Variants in PIEZO2 observed in about 807,000 individuals in gnomAD.
PIEZO2 encodes piezo type mechanosensitive ion channel component 2, also known as piezo-type mechanosensitive ion channel component 2.
In PIEZO2, 172 loss-of-function variants were observed where a neutral mutation model predicts 337.3. That is an observed-to-expected ratio of 0.51 (90% CI 0.45 to 0.58). The LOEUF is 0.58. Ranked by LOEUF, PIEZO2 falls within the 20% of genes least tolerant of loss-of-function variation. The pLI is 0.00. For missense variants in PIEZO2, 3,028 were observed against 3,391.3 expected (o/e 0.89, Z 2.66); for synonymous variants, 1,251 against 1,228.5 (o/e 1.02, Z -0.38).
Position 11,031,293 on chromosome 18 carries a change from C to T in PIEZO2, c.160+34834G>A, listed in dbSNP as rs924265776. Among the ~76,000 whole-genome samples the T allele has an allele frequency of 6.6e-6, 1 of 151,906 alleles. No homozygotes were observed. Among genetic ancestry groups the T allele is most frequent in the Non-Finnish European group, 1.5e-5 (1 of 67,996 alleles). On this transcript the variant is annotated intron_variant, in intron 2 of 55. Coordinates refer to ENST00000674853, the MANE Select transcript of PIEZO2 (RefSeq NM_001378183.1). This position sits in a 1 kb window ranked among gnomAD's most constrained non-coding sequence, Gnocchi z 4.7. ...GGATTACAGGCGTGAGCCACTGCGC[C>T]TGGCCTGGAATTTTTTTTTAATAAG...
At chr18:10,718,111 A>T (rs945332829) in intron 37 of PIEZO2, 89 bp downstream of exon 37, 1 of 1,176,406 alleles carries the variant, frequency 8.5e-7, no homozygotes, top group Non-Finnish European at 1.2e-6. Flanking sequence ...TTCGATTCAC[A>T]ATTTTTCAGG....
rs1229829254 is a variant in PIEZO2 at position 10,870,294 on chromosome 18, A to G, written c.492+959T>C. On this transcript the variant is annotated intron_variant, in intron 5 of 55. Transcript: ENST00000674853. The surrounding 1 kb of genome is among the most constrained non-coding windows in gnomAD (Gnocchi z 5.3). ...TTGTGAACCATATAAATCATTTTCCATAAGTGAGAATTTTCCTCCCTCAAT... is the reference window on the plus strand; with the variant it reads ...TTGTGAACCATATAAATCATTTTCCGTAAGTGAGAATTTTCCTCCCTCAAT... Among the ~76,000 whole-genome samples the G allele has an allele frequency of 2.0e-5, 3 of 152,296 alleles. No individual in the cohort carries two copies. The highest frequency in any genetic ancestry group is 4.8e-5 in the African/African-American group (2 of 41,564).
At position 10,878,777 on chromosome 18, in the gene PIEZO2, GT is replaced by G. The variant is rs1270267033; in HGVS notation, c.330-7363del. On this transcript the variant is annotated intron_variant, in intron 4 of 55. Coordinates refer to ENST00000674853, the MANE Select transcript of PIEZO2 (RefSeq NM_001378183.1). This position sits in a 1 kb window ranked among gnomAD's most constrained non-coding sequence, Gnocchi z 4.3. ...AGGTCAGACCATACAAAGCTTGGAT[GT>G]TTTGAAAAAAAAAAAAAATCACATA... Among the ~76,000 whole-genome samples, 1 of 141,066 alleles carries G rather than the reference GT, an allele frequency of 7.1e-6. No individual in the cohort carries two copies. Among genetic ancestry groups the G allele is most frequent in the Non-Finnish European group, 1.5e-5 (1 of 67,332 alleles). The allele number at this position is 141,066 out of a possible 152,430, so 92.5% of individuals were successfully genotyped here.
At chr18:10,702,626 A>T (rs969199551) in intron 42 of PIEZO2, among the ~76,000 whole-genome samples, 4 of 152,238 alleles carry the variant, frequency 2.6e-5, no homozygotes, top group Non-Finnish European at 5.9e-5. Context: ...TGTAGTTTTC[A>T]CTTTCCTCCA....
chr18:10,704,268 A>G, intron 42 of PIEZO2, 126 bp downstream of exon 42: 4 of 1,223,384 alleles, frequency 3.3e-6, no homozygotes, highest in Non-Finnish European at 4.4e-6. Context: ...GTGGAACTGC[A>G]TGTTCCATGT....
At chr18:11,091,752 A>G (rs976802895) in intron 1 of PIEZO2, among the ~76,000 whole-genome samples, 2 of 152,102 alleles carry the variant, frequency 1.3e-5, no homozygotes, top group Non-Finnish European at 2.9e-5. Flanking sequence ...TGTTGTTTTT[A>G]TTGGAAATAT....
chr18:10,875,606 T>C (rs905005509), intron 4 of PIEZO2, among the ~76,000 whole-genome samples: 6 of 152,200 alleles, frequency 3.9e-5, no homozygotes, highest in African/African-American at 1.4e-4. Context: ...TGTCATTTTA[T>C]GAAAAGCACC....
rs1376144346 is a variant in PIEZO2 at position 11,031,172 on chromosome 18, T to TA, written c.160+34954_160+34955insT. Among the ~76,000 whole-genome samples the TA allele has an allele frequency of 6.6e-6, 1 of 151,776 alleles. No homozygotes were observed. The highest frequency in any genetic ancestry group is 1.9e-4 in the East Asian group (1 of 5,160). On this transcript the variant is annotated intron_variant, in intron 2 of 55. Coordinates refer to ENST00000674853, the MANE Select transcript of PIEZO2 (RefSeq NM_001378183.1). The surrounding 1 kb of genome is among the most constrained non-coding windows in gnomAD (Gnocchi z 4.7). ...GCCTGGCTAATTTTTTTGTATTTTT[T>TA]TTTTTTTTAGTGGAGATGGGATTTC... is the stretch of plus-strand genomic sequence containing the variant.
At position 10,698,974 on chromosome 18, in the gene PIEZO2, G is replaced by A; in HGVS notation, c.6645C>T (p.Ser2215=). Residue 2215 remains serine (S), a synonymous_variant, in exon 44 of 56, where the codon AGC becomes AGT. Transcript: ENST00000674853. ...AGCTGGATCTCTGGGATGGCTCGGA[G>A]CTGCTGCCGGAGCGCTTCCTCCGGA... ...TAVRRKRSGS[S]SEPSQRSSFS... 1 of 1,536,904 alleles carries A rather than the reference G, an allele frequency of 6.5e-7. No homozygotes were observed. Among genetic ancestry groups the A allele is most frequent in the Non-Finnish European group, 8.7e-7 (1 of 1,146,916 alleles).
intron 36 of PIEZO2, among the ~76,000 whole-genome samples, chr18:10,731,192 T>C (rs999512983): frequency 9.6e-5 from 6 of 62,724 alleles, no homozygotes; most frequent in African/African-American, 5.6e-4. Context: ...TATATATATA[T>C]ATATATATAT....
intron 36 of PIEZO2, among the ~76,000 whole-genome samples, chr18:10,720,097 AAAGTAT>A (rs149292040): frequency 0.09 from 13,591 of 151,364 alleles, 1,091 homozygotes; most frequent in East Asian, 0.26. Flanking sequence ...TCATATTTTT[AAAGTAT>A]AAGTATGTTC....
intron 1 of PIEZO2, among the ~76,000 whole-genome samples, chr18:11,106,195 T>G (rs2039554220): frequency 6.6e-6 from 1 of 151,916 alleles, no homozygotes; most frequent in African/African-American, 2.4e-5. Flanking sequence ...CACGTCATTC[T>G]CCTGCCTCAG....
chr18:11,028,219 C>CTTTCT lies in PIEZO2; in HGVS notation c.160+37903_160+37907dup, dbSNP rs1033233314. Among the ~76,000 whole-genome samples, 12 of 152,012 alleles carry CTTTCT rather than the reference C, an allele frequency of 7.9e-5. No homozygotes were observed. The highest frequency in any genetic ancestry group is 1.7e-4 in the African/African-American group (7 of 41,396). ...GCTAGGCTTTTCTGTACATCGCCTT[C>CTTTCT]TTTCTTTTCTTTTCTTTTCTTCTTC... On this transcript the variant is annotated intron_variant, in intron 2 of 55. Transcript: ENST00000674853. The surrounding 1 kb of genome is among the most constrained non-coding windows in gnomAD (Gnocchi z 4.8).
intron 1 of PIEZO2, among the ~76,000 whole-genome samples, chr18:11,138,577 G>A (rs931741038): frequency 6.6e-6 from 1 of 152,178 alleles, no homozygotes; most frequent in Non-Finnish European, 1.5e-5. Flanking sequence ...TTACAGGCGT[G>A]AGCCACCACA....
At chr18:10,705,908 T>C (rs1197845970) in intron 40 of PIEZO2, among the ~76,000 whole-genome samples, 162 bp from the exon 41 acceptor site, 1 of 152,222 alleles carries the variant, frequency 6.6e-6, no homozygotes, top group Non-Finnish European at 1.5e-5. Context: ...ACTCCTGTTC[T>C]GCAGCCACTG....
chr18:10,865,033 A>T (rs1334970485), intron 5 of PIEZO2, among the ~76,000 whole-genome samples: 1 of 152,196 alleles, frequency 6.6e-6, no homozygotes, highest in East Asian at 1.9e-4. Context: ...AAGAGTGAGG[A>T]GAAGACATCT....
rs1459242195 is a variant in PIEZO2, at chr18:10,886,353, C to T, written c.330-14938G>A. Among the ~76,000 whole-genome samples, 7 of 10,542 alleles carry T rather than the reference C, an allele frequency of 6.6e-4. 2 individuals carry two copies. Among genetic ancestry groups the T allele is most frequent in the African/African-American group, 4.8e-3 (6 of 1,262 alleles). 6.9% of individuals were successfully genotyped at this position (10,542 alleles called of 152,430 possible). A position where few individuals can be genotyped will look rare whatever the true frequency, so the allele number is the denominator to read the frequency against. ...ATATATATATATATATACACACACA[C>T]ACACACACATATATATGTGTGTGTG... On this transcript the variant is annotated intron_variant, in intron 4 of 55. Transcript: ENST00000674853.
In PIEZO2 at chr18:10,850,798, T is replaced by C. The variant is rs1197789882; in HGVS notation, c.917+4555A>G. Among the ~76,000 whole-genome samples, 1 of 152,212 alleles carries C rather than the reference T, an allele frequency of 6.6e-6. No individual in the cohort carries two copies. The highest frequency in any genetic ancestry group is 1.5e-5 in the Non-Finnish European group (1 of 68,042). The stretch of plus-strand genomic sequence containing the variant: ...AAAAAATTTGGCTAAAAAGCAATAG[T>C]ATTTATTTCTGGGAATAAGGATTAC... On this transcript the variant is annotated intron_variant, in intron 7 of 55. Transcript: ENST00000674853. This position sits in a 1 kb window ranked among gnomAD's most constrained non-coding sequence, Gnocchi z 4.5.
chr18:11,074,245 G>A (rs953775299), intron 1 of PIEZO2, among the ~76,000 whole-genome samples: 3 of 151,958 alleles, frequency 2.0e-5, no homozygotes, highest in Non-Finnish European at 2.9e-5. Flanking sequence ...CCATATTCTC[G>A]CTGCACAATG....
Sources: allele counts gnomAD v4.1 joint callset (sites outside exome capture counted in the v4.1 genomes callset), GRCh38; gene constraint gnomAD v4.1.1; non-coding constraint Gnocchi (gnomAD v3.1); transcripts MANE v1.5; gene names NCBI Gene and HGNC (gene_info 2026-07-23, HGNC 2026-07-21).